Variants in NUP153 observed in about 807,000 individuals in gnomAD.
NUP153 encodes the protein nuclear pore complex protein Nup153.
In NUP153, 27 loss-of-function variants were observed where a neutral mutation model predicts 134.6. The observed-to-expected ratio is 0.20, with a 90% CI of 0.15 to 0.28. The LOEUF (loss-of-function observed/expected upper bound fraction) is 0.28. Ranked by LOEUF, NUP153 falls within the 10% of genes least tolerant of loss-of-function variation. The probability of loss-of-function intolerance (pLI) is 1.00; values close to 1 mark genes in which losing one functional copy is unlikely to be tolerated. For synonymous variants in NUP153, 640 were observed against 623.5 expected, an observed-to-expected ratio of 1.03 and a Z score of -0.40; for missense variants, 1,821 against 1,731.3, an observed-to-expected ratio of 1.05 and a Z score of -0.92.
At chr6:17,654,379 T>C (rs1331266739) in intron 11 of NUP153, among the ~76,000 whole-genome samples, 2 of 151,682 alleles carry the variant, frequency 1.3e-5, no homozygotes, top group East Asian at 1.9e-4. Flanking sequence ...CGGACTGCAG[T>C]GGTGCGATCT....
intron 1 of NUP153, among the ~76,000 whole-genome samples, chr6:17,700,200 A>C (rs78649343): frequency 0.04 from 6,054 of 152,246 alleles, 376 homozygotes; most frequent in East Asian, 0.29. Context: ...AAAAGATCCT[A>C]AATCAAACAG....
intron 17 of NUP153, 94 bp downstream of exon 17, chr6:17,632,556 T>C: frequency 1.2e-6 from 1 of 834,888 alleles, no homozygotes; most frequent in Non-Finnish European, 1.8e-6. Context: ...AGAGAATGAG[T>C]GAACACTGAA....
At chr6:17,621,801 T>A (rs543755411) in intron 20 of NUP153, among the ~76,000 whole-genome samples, 1 of 152,298 alleles carries the variant, frequency 6.6e-6, no homozygotes, top group East Asian at 1.9e-4. Flanking sequence ...AACAATAATT[T>A]ATTGTACATT....
chr6:17,669,284 T>C lies in NUP153; in HGVS notation c.1014+9A>G. On this transcript the variant is annotated intron_variant, in intron 7 of 21. Coordinates refer to ENST00000262077, the MANE Select transcript of NUP153 (RefSeq NM_005124.4). ...AATATTTTGTAAAAAGGTTTAAATC[T>C]CAACTTACAGAATTCAGAGGAGAAG... The C allele has an allele frequency of 1.2e-6, 2 of 1,608,228 alleles. No individual in the cohort carries two copies. The highest frequency in any genetic ancestry group is 2.2e-5 in the South Asian group (2 of 90,772).
intron 1 of NUP153, among the ~76,000 whole-genome samples, chr6:17,703,915 T>TA (rs1022180549): frequency 6.9e-4 from 105 of 152,328 alleles, no homozygotes; most frequent in African/African-American, 2.4e-3. Context: ...GTATCAACTC[T>TA]AAGACACCTT....
At chr6:17,619,871 G>C (rs764914520) in intron 20 of NUP153, among the ~76,000 whole-genome samples, 2 of 152,094 alleles carry the variant, frequency 1.3e-5, no homozygotes, top group Non-Finnish European at 2.9e-5. Context: ...GCCGAGGCGG[G>C]CAGATCACCT....
chr6:17,689,488 A>G (rs1769150008), intron 1 of NUP153, among the ~76,000 whole-genome samples: 2 of 152,072 alleles, frequency 1.3e-5, no homozygotes. Flanking sequence ...ACATTTCACT[A>G]CAGCAAATGT....
At chr6:17,643,543 G>A (rs566597589) in intron 14 of NUP153, among the ~76,000 whole-genome samples, 28 of 152,160 alleles carry the variant, frequency 1.8e-4, no homozygotes, top group African/African-American at 5.8e-4. Flanking sequence ...ATTTAATCAC[G>A]TTCTATCTTC....
chr6:17,661,720 C>T lies in NUP153; in HGVS notation c.1328G>A (p.Gly443Asp), dbSNP rs1390097690. 6.2e-7 allele frequency: 1 copy of T among 1,614,006 alleles called. No homozygotes were observed. Among genetic ancestry groups the T allele is most frequent in the Non-Finnish European group, 8.5e-7 (1 of 1,179,944 alleles). ...PAANGLSSGV[G>D]GGGGKMRRER... ...TCGTCTCATCTTGCCACCTCCACCACCTACTCCAGAAGATAAACCATTGGC... is the reference window on the plus strand; with the variant it reads ...TCGTCTCATCTTGCCACCTCCACCATCTACTCCAGAAGATAAACCATTGGC... The change falls in exon 11 of 22, where the codon GGT becomes GAT. Residue 443 changes from glycine to aspartate, a missense_variant. Physicochemically the swap from Gly to Asp is moderately conservative, Grantham distance 94. Coordinates refer to ENST00000262077, the MANE Select transcript of NUP153 (RefSeq NM_005124.4).
chr6:17,660,069 G>A (rs1029624224), intron 11 of NUP153, among the ~76,000 whole-genome samples: 2 of 152,134 alleles, frequency 1.3e-5, no homozygotes, highest in African/African-American at 4.8e-5. Context: ...AAACTGCCAA[G>A]GAGGTCATAA....
At chr6:17,678,948 A>T (rs1387699067) in intron 2 of NUP153, among the ~76,000 whole-genome samples, 21 of 1,142 alleles carry the variant, frequency 0.018, no homozygotes, top group African/African-American at 0.022. Flanking sequence ...TATCTCATTT[A>T]AAAAAAAAAA....
At chr6:17,704,853 G>T (rs1770375323) in intron 1 of NUP153, among the ~76,000 whole-genome samples, 2 of 151,698 alleles carry the variant, frequency 1.3e-5, no homozygotes, top group South Asian at 4.1e-4. Flanking sequence ...TCCGCCTCCC[G>T]GGTTCAAGCC....
chr6:17,695,305 A>T (rs1208984553), intron 1 of NUP153, among the ~76,000 whole-genome samples: 1 of 152,154 alleles, frequency 6.6e-6, no homozygotes, highest in Non-Finnish European at 1.5e-5. Flanking sequence ...GCTCATTAGA[A>T]AGGCAAATTT....
chr6:17,704,233 A>C (rs1770317330), intron 1 of NUP153, among the ~76,000 whole-genome samples: 2 of 151,704 alleles, frequency 1.3e-5, no homozygotes, highest in Admixed American at 6.6e-5. Flanking sequence ...CGGAGCTTGC[A>C]GTGAGCCAAG....
intron 11 of NUP153, among the ~76,000 whole-genome samples, chr6:17,655,877 A>G (rs772229077): frequency 1.5e-4 from 23 of 152,180 alleles, no homozygotes; most frequent in Non-Finnish European, 2.9e-4. Flanking sequence ...CAACTATATA[A>G]TTGTGTATCC....
chr6:17,661,820 T>C, intron 10 of NUP153, 41 bp from the exon 11 acceptor site: 1 of 1,588,666 alleles, frequency 6.3e-7, no homozygotes, highest in Non-Finnish European at 8.6e-7. Context: ...GATATATTAT[T>C]GTGGTCCATA....
intron 6 of NUP153, 30 bp downstream of exon 6, chr6:17,669,400 C>T: frequency 6.3e-7 from 1 of 1,593,734 alleles, no homozygotes; most frequent in East Asian, 2.2e-5. Flanking sequence ...TTGTTACACT[C>T]CTGTATTAAT....
chr6:17,665,512 C>A, intron 8 of NUP153, 127 bp from the exon 9 acceptor site: 2 of 684,582 alleles, frequency 2.9e-6, no homozygotes, highest in South Asian at 2.1e-5. Flanking sequence ...ACAGTAGATA[C>A]AAACAAATAA....
chr6:17,699,954 CTTTT>C (rs1769942125), intron 1 of NUP153, among the ~76,000 whole-genome samples: 1 of 152,148 alleles, frequency 6.6e-6, no homozygotes, highest in Admixed American at 6.6e-5. Flanking sequence ...AGCAAGTGGA[CTTTT>C]TTGTCACTTA....
Sources: gnomAD v4.1 joint callset for allele counts (sites outside exome capture counted in the v4.1 genomes callset) on GRCh38, gnomAD v4.1.1 for gene constraint, MANE v1.5 for transcripts, NCBI Gene and HGNC (gene_info 2026-07-23, HGNC 2026-07-21) for gene names.